RTF1: variants seen among roughly 807,000 people sequenced by gnomAD.
RTF1 encodes the protein RNA polymerase-associated protein RTF1 homolog.
In RTF1, 10 loss-of-function variants were observed where a neutral mutation model predicts 95.7. The observed-to-expected ratio is 0.10, with a 90% CI of 0.06 to 0.18. The LOEUF is 0.18. Among genes scored for constraint, RTF1 ranks in the 10% least tolerant of loss-of-function variants. The pLI, the probability that RTF1 is intolerant of heterozygous loss-of-function variation, is 1.00. For missense variants in RTF1, 458 were observed against 875.6 expected, an observed-to-expected ratio of 0.52 and a Z score of 6.02; for synonymous variants, 305 against 311.8, an observed-to-expected ratio of 0.98 and a Z score of 0.23.
At chr15:41,429,664 C>T (rs1166933602) in intron 1 of RTF1, among the ~76,000 whole-genome samples, 1 of 152,116 alleles carries the variant, frequency 6.6e-6, no homozygotes, top group Non-Finnish European at 1.5e-5. Context: ...GTTTCTCTTT[C>T]AGTTCTTTGA....
intron 8 of RTF1, among the ~76,000 whole-genome samples, chr15:41,473,435 G>A (rs575105599): frequency 6.1e-4 from 92 of 150,088 alleles, no homozygotes; most frequent in African/African-American, 2.1e-3. Context: ...CCCGGCCCAG[G>A]TGTTGGGTTT....
intron 8 of RTF1, 147 bp downstream of exon 8, chr15:41,471,496 G>C (rs1012868533): frequency 2.6e-5 from 21 of 794,598 alleles, no homozygotes; most frequent in African/African-American, 2.6e-4. Context: ...AGAGCAGTGA[G>C]GTGCCCAGGA....
In RTF1 at chr15:41,475,453, T is replaced by C. The variant is rs113184764; in HGVS notation, c.1287-72T>C. 3.4e-6 allele frequency: 4 copies of C among 1,168,126 alleles called. No homozygotes were observed. In the African/African-American group the frequency reaches 4.5e-5, roughly 13 times the overall value. The allele number at this position is 1,168,126 out of a possible 1,614,324, so 72.4% of individuals were successfully genotyped here. Reference sequence around the variant, plus strand: ...AGGTATATATAGGTGGTACATAGTCTGGTAAGGTTGCTTTGCTTGTACTAC... The same window carrying C: ...AGGTATATATAGGTGGTACATAGTCCGGTAAGGTTGCTTTGCTTGTACTAC... On this transcript the variant is annotated intron_variant, in intron 9 of 17. Coordinates refer to ENST00000389629, the MANE Select transcript of RTF1 (RefSeq NM_015138.5).
chr15:41,430,808 A>G (rs1415668935), intron 1 of RTF1, among the ~76,000 whole-genome samples: 1 of 152,160 alleles, frequency 6.6e-6, no homozygotes, highest in Non-Finnish European at 1.5e-5. Flanking sequence ...TTTCCCAGTA[A>G]CTTCCTATAC....
At position 41,438,236 on chromosome 15, in the gene RTF1, G is replaced by T. The variant is rs532853898; in HGVS notation, c.199-85G>T. The T allele has an allele frequency of 1.7e-5, 15 of 881,930 alleles. No homozygotes were observed. The South Asian group carries it at 2.5e-4, about 15-fold the overall frequency. The allele number at this position is 881,930 out of a possible 1,614,324, so 54.6% of individuals were successfully genotyped here. ...GTTGAAAACACAAAAATATAAAAAA[G>T]ATCTAGAGAGGGTGGGCATTTTATT... is the stretch of plus-strand genomic sequence containing the variant. On this transcript the variant is annotated intron_variant, in intron 1 of 17. Coordinates refer to ENST00000389629, the MANE Select transcript of RTF1 (RefSeq NM_015138.5).
chr15:41,472,230 G>A (rs2140652930), intron 8 of RTF1, among the ~76,000 whole-genome samples: 1 of 149,126 alleles, frequency 6.7e-6, no homozygotes, highest in South Asian at 2.1e-4. Context: ...TTTTCAGACA[G>A]AGTTTCGCTT....
chr15:41,419,724 A>G (rs948616213), intron 1 of RTF1, among the ~76,000 whole-genome samples: 4 of 152,232 alleles, frequency 2.6e-5, no homozygotes, highest in Non-Finnish European at 5.9e-5. Flanking sequence ...ATTCTGATGA[A>G]TAAAATAAGT....
Position 41,474,626 on chromosome 15 carries a change from G to C in RTF1, c.1210G>C (p.Glu404Gln), listed in dbSNP as rs772294399. 30 of 1,613,598 alleles carry C rather than the reference G, an allele frequency of 1.9e-5. No homozygotes were observed. Among genetic ancestry groups the C allele is most frequent in the Non-Finnish European group, 2.4e-5 (28 of 1,179,616 alleles). Residue 404 changes from glutamate to glutamine, a missense_variant, in exon 9 of 18, where the codon GAG becomes CAG. Coordinates refer to ENST00000389629, the MANE Select transcript of RTF1 (RefSeq NM_015138.5). ...HNSKPVYRVA[E>Q]ITGVVETAKV... The stretch of plus-strand genomic sequence containing the variant: ...TCTCTGTCCTCTCACTTAGGTCGCT[G>C]AGATTACGGGTGTTGTGGAAACTGC...
At chr15:41,454,143 C>T (rs1319680272) in intron 3 of RTF1, among the ~76,000 whole-genome samples, 1 of 152,040 alleles carries the variant, frequency 6.6e-6, no homozygotes, top group East Asian at 1.9e-4. Context: ...GTTGCCCAGG[C>T]TGGAGTGCAA....
chr15:41,458,033 C>A (rs954590999), intron 4 of RTF1, among the ~76,000 whole-genome samples, 157 bp downstream of exon 4: 2 of 150,812 alleles, frequency 1.3e-5, no homozygotes, highest in Non-Finnish European at 2.9e-5. Flanking sequence ...TATTAAATTT[C>A]AATCACATTC....
chr15:41,440,600 C>T (rs1186743041), intron 2 of RTF1, among the ~76,000 whole-genome samples: 1 of 151,272 alleles, frequency 6.6e-6, no homozygotes, highest in Non-Finnish European at 1.5e-5. Flanking sequence ...AGCAATTTTC[C>T]TGTCTCAACC....
In RTF1 at chr15:41,454,051, A is replaced by C. The variant is rs187070968; in HGVS notation, c.457+1003A>C. Among the ~76,000 whole-genome samples, 14 of 152,186 alleles carry C rather than the reference A, an allele frequency of 9.2e-5. No individual in the cohort carries two copies. In the East Asian group the frequency reaches 2.7e-3, roughly 29 times the overall value. ...GATCTACTATTATGATAAATTCACTAATCAATTTTTAATTGTTCATTAAAA... is the reference window on the plus strand; with the variant it reads ...GATCTACTATTATGATAAATTCACTCATCAATTTTTAATTGTTCATTAAAA... On this transcript the variant is annotated intron_variant, in intron 3 of 17. Transcript: ENST00000389629.
At chr15:41,453,723 C>A (rs553176257) in intron 3 of RTF1, among the ~76,000 whole-genome samples, 16 of 136,656 alleles carry the variant, frequency 1.2e-4, no homozygotes, top group African/African-American at 3.9e-4. Context: ...CCTTTCTCAA[C>A]AACAACAAAA....
rs759146097 is a variant in RTF1, at chr15:41,474,706, G to C, written c.1286+4G>C. On this transcript the variant is annotated splice_donor_region_variant and intron_variant, in intron 9 of 17. Transcript: ENST00000389629. The stretch of plus-strand genomic sequence containing the variant: ...CAAACAAAGGGCTGCAACTACGGTA[G>C]GAGGCACTTCTGGGGTAGCTTCTGC... 6.2e-7 allele frequency: 1 copy of C among 1,611,220 alleles called. No homozygotes were observed. Among genetic ancestry groups the C allele is most frequent in the Non-Finnish European group, 8.5e-7 (1 of 1,177,324 alleles).
At position 41,481,253 on chromosome 15, in the gene RTF1, G is replaced by GA. The variant is rs1276286686; in HGVS notation, c.*566_*567insA. ...AAAAAGTGTACATTTGTGGGGGGGG[G>GA]GGGTCTAATTTGAGAGCGAGAGTGT... is the stretch of plus-strand genomic sequence containing the variant. On this transcript the variant is annotated 3_prime_UTR_variant, in exon 18 of 18. Transcript: ENST00000389629. The GA allele has an allele frequency of 1.4e-5, 2 of 137,946 alleles. No homozygotes were observed. The highest frequency in any genetic ancestry group is 3.2e-5 in the Non-Finnish European group (2 of 63,374). The allele number at this position is 137,946 out of a possible 1,614,324, so 8.5% of individuals were successfully genotyped here. A position where few individuals can be genotyped will look rare whatever the true frequency, so the allele number is the denominator to read the frequency against.
chr15:41,426,406 A>G (rs1017074635), intron 1 of RTF1, among the ~76,000 whole-genome samples: 1 of 151,804 alleles, frequency 6.6e-6, no homozygotes, highest in Non-Finnish European at 1.5e-5. Flanking sequence ...CCTGGATTCA[A>G]GCGATTCTTC....
chr15:41,432,887 G>C (rs962402615), intron 1 of RTF1, among the ~76,000 whole-genome samples: 1 of 151,158 alleles, frequency 6.6e-6, no homozygotes, highest in Admixed American at 6.6e-5. Context: ...GTAGTGAGCC[G>C]GGATCGCACC....
chr15:41,426,781 ATGTGTGTGTGTGTGTGTGTGTGTG>A (rs58073154), intron 1 of RTF1, among the ~76,000 whole-genome samples: 5 of 78,390 alleles, frequency 6.4e-5, no homozygotes, highest in African/African-American at 9.3e-5. Context: ...CTACATATAT[ATGTGTGTGTGTGTGTGTGTGTGTG>A]TGTGTGTGTG....
At chr15:41,450,548 G>A (rs2050784934) in intron 2 of RTF1, among the ~76,000 whole-genome samples, 1 of 150,376 alleles carries the variant, frequency 6.6e-6, no homozygotes, top group African/African-American at 2.5e-5. Flanking sequence ...TTGCACCACT[G>A]CACTCCAGCC....
Sources: gnomAD v4.1 joint callset for allele counts (sites outside exome capture counted in the v4.1 genomes callset) on GRCh38, gnomAD v4.1.1 for gene constraint, MANE v1.5 for transcripts, NCBI Gene and HGNC (gene_info 2026-07-23, HGNC 2026-07-21) for gene names.